DEPDC1B: variants seen among roughly 807,000 people sequenced by gnomAD.
The protein encoded by DEPDC1B is DEP domain-containing protein 1B.
A neutral mutation model predicts 66.5 loss-of-function variants in DEPDC1B; 51 were observed. That is an observed-to-expected ratio of 0.77 (90% confidence interval 0.61 to 0.97). DEPDC1B has a LOEUF of 0.97. DEPDC1B is among the 50% of genes least tolerant of loss of function. The probability of loss-of-function intolerance (pLI) is 0.00; values close to 1 mark genes in which losing one functional copy is unlikely to be tolerated. For synonymous variants in DEPDC1B, 226 were observed against 223.6 expected, an observed-to-expected ratio of 1.01 and a Z score of -0.10; for missense variants, 552 against 637.1, an observed-to-expected ratio of 0.87 and a Z score of 1.44.
intron 7 of DEPDC1B, among the ~76,000 whole-genome samples, chr5:60,634,413 C>G (rs1752993435): frequency 6.6e-6 from 1 of 152,184 alleles, no homozygotes; most frequent in African/African-American, 2.4e-5. Flanking sequence ...TGGCTCATGC[C>G]TGTAATCCCA....
chr5:60,670,709 C>A (rs1437816559), intron 2 of DEPDC1B, among the ~76,000 whole-genome samples: 1 of 152,144 alleles, frequency 6.6e-6, no homozygotes, highest in East Asian at 1.9e-4. Context: ...GTACTGGGAA[C>A]CAGAGGGTGG....
At chr5:60,620,733 G>A (rs549375614) in intron 7 of DEPDC1B, among the ~76,000 whole-genome samples, 11 of 152,226 alleles carry the variant, frequency 7.2e-5, no homozygotes, top group African/African-American at 1.2e-4. Flanking sequence ...ACAGTGTGGC[G>A]ATTCCTCAAG....
At chr5:60,651,244 A>G (rs1422847576) in intron 2 of DEPDC1B, among the ~76,000 whole-genome samples, 2 of 152,278 alleles carry the variant, frequency 1.3e-5, no homozygotes, top group African/African-American at 2.4e-5. Context: ...AAAAACTACA[A>G]TGGGCCGGCA....
At chr5:60,631,439 T>A (rs1453570892) in intron 7 of DEPDC1B, among the ~76,000 whole-genome samples, 2 of 152,222 alleles carry the variant, frequency 1.3e-5, no homozygotes, top group Non-Finnish European at 2.9e-5. Context: ...CAACTTCATG[T>A]GACCCAGAGT....
chr5:60,695,120 G>A (rs1754625750), intron 1 of DEPDC1B, among the ~76,000 whole-genome samples: 1 of 152,126 alleles, frequency 6.6e-6, no homozygotes. Context: ...TATATGGTGG[G>A]AGGCAGGGGA....
chr5:60,624,771 T>C (rs187867903), intron 7 of DEPDC1B, among the ~76,000 whole-genome samples: 4 of 152,302 alleles, frequency 2.6e-5, no homozygotes, highest in Admixed American at 1.3e-4. Flanking sequence ...GTACAGAACG[T>C]GCAGGTTTGT....
intron 1 of DEPDC1B, among the ~76,000 whole-genome samples, chr5:60,691,245 G>A (rs1304920189): frequency 6.6e-6 from 1 of 151,648 alleles, no homozygotes; most frequent in Non-Finnish European, 1.5e-5. Flanking sequence ...GTAGAGATGA[G>A]GTTTCACCAT....
At chr5:60,639,024 T>C (rs1561370057) in intron 6 of DEPDC1B, 134 bp from the exon 7 acceptor site, 1 of 912,506 alleles carries the variant, frequency 1.1e-6, no homozygotes. Flanking sequence ...ATGGGGAAAA[T>C]TGACATTAAT....
rs374609041 is a variant in DEPDC1B, at chr5:60,645,636, G to T, written c.451-17C>A. 6.3e-7 allele frequency: 1 copy of T among 1,595,968 alleles called. No homozygotes were observed. Among genetic ancestry groups the T allele is most frequent in the African/African-American group, 1.3e-5 (1 of 74,380 alleles). ...CTCAGAATTCTAATGGAGGGGGGATGTAAGAAGGGAGGGAAGGAGAAACGG... is the reference window on the plus strand; with the variant it reads ...CTCAGAATTCTAATGGAGGGGGGATTTAAGAAGGGAGGGAAGGAGAAACGG... On this transcript the variant is annotated splice_polypyrimidine_tract_variant and intron_variant, in intron 3 of 10. Transcript: ENST00000265036.
intron 6 of DEPDC1B, among the ~76,000 whole-genome samples, chr5:60,642,501 T>A (rs1477239940): frequency 6.6e-6 from 1 of 152,166 alleles, no homozygotes; most frequent in East Asian, 1.9e-4. Flanking sequence ...ACTGAAACAG[T>A]CTTTCTCATT....
At chr5:60,648,177 GTAT>G (rs1445163491) in intron 2 of DEPDC1B, 1 of 152,162 alleles carries the variant, frequency 6.6e-6, no homozygotes, top group Non-Finnish European at 1.5e-5. Context: ...TAAGAGCAGA[GTAT>G]TATTAATATA....
At position 60,687,321 on chromosome 5, in the gene DEPDC1B, C is replaced by A; in HGVS notation, c.49-94G>T. Reference sequence around the variant, plus strand: ...ATTAAAGCAAAGAATGCAATTTTTCCACTTAAACTGCTTTAATAACAGGTA... The same window carrying A: ...ATTAAAGCAAAGAATGCAATTTTTCAACTTAAACTGCTTTAATAACAGGTA... On this transcript the variant is annotated intron_variant, in intron 1 of 10. Transcript: ENST00000265036. 3 of 1,408,846 alleles carry A rather than the reference C, an allele frequency of 2.1e-6. No individual in the cohort carries two copies. The South Asian group carries it at 4.2e-5, about 20-fold the overall frequency. 87.3% of individuals were successfully genotyped at this position (1,408,846 alleles called of 1,614,324 possible).
chr5:60,683,852 G>C (rs908418888), intron 2 of DEPDC1B, among the ~76,000 whole-genome samples: 3 of 152,048 alleles, frequency 2.0e-5, no homozygotes, highest in Non-Finnish European at 4.4e-5. Context: ...AACTTATATA[G>C]AGAAAATCCT....
chr5:60,660,553 G>A lies in DEPDC1B; in HGVS notation c.315-13020C>T, dbSNP rs528060128. ...TCAAAAATCCTTAACCCAGTAACCC[G>A]TGGATGGCCCAAATGCATTCAATCT... is the stretch of plus-strand genomic sequence containing the variant. On this transcript the variant is annotated intron_variant, in intron 2 of 10. Coordinates refer to ENST00000265036, the MANE Select transcript of DEPDC1B (RefSeq NM_018369.3). Among the ~76,000 whole-genome samples, 41 of 152,274 alleles carry A rather than the reference G, an allele frequency of 2.7e-4. 1 individual carries two copies. Among genetic ancestry groups the A allele is most frequent in the Admixed American group, 6.5e-5 (1 of 15,296 alleles).
At chr5:60,684,280 T>C (rs1230300524) in intron 2 of DEPDC1B, among the ~76,000 whole-genome samples, 1 of 152,154 alleles carries the variant, frequency 6.6e-6, no homozygotes, top group Non-Finnish European at 1.5e-5. Flanking sequence ...ACAAAAGACC[T>C]TGAATAGCTA....
Position 60,668,183 on chromosome 5 carries a change from T to A in DEPDC1B, c.314+18779A>T, listed in dbSNP as rs7447886. ...ATTATATATATATAAAATGGATATT[T>A]TATATATATATAAAATGGATATTTT... On this transcript the variant is annotated intron_variant, in intron 2 of 10. Transcript: ENST00000265036. Among the ~76,000 whole-genome samples, 22 of 4,156 alleles carry A rather than the reference T, an allele frequency of 5.3e-3. 1 individual carries two copies. The highest frequency in any genetic ancestry group is 0.011 in the Admixed American group (4 of 364). The allele number at this position is 4,156 out of a possible 152,430, so 2.7% of individuals were successfully genotyped here. A position where few individuals can be genotyped will look rare whatever the true frequency, so the allele number is the denominator to read the frequency against.
At chr5:60,619,955 G>C (rs929923385) in intron 7 of DEPDC1B, among the ~76,000 whole-genome samples, 15 of 152,160 alleles carry the variant, frequency 9.9e-5, no homozygotes, top group African/African-American at 3.6e-4. Context: ...TAGACCAATG[G>C]AACAGAACAG....
intron 8 of DEPDC1B, among the ~76,000 whole-genome samples, chr5:60,605,344 A>C (rs778878920): frequency 2.6e-5 from 4 of 152,206 alleles, no homozygotes; most frequent in Non-Finnish European, 5.9e-5. Context: ...TGGTATGGTA[A>C]TGAATCTGTT....
chr5:60,645,560 A>G lies in DEPDC1B; in HGVS notation c.510T>C (p.Arg170=). The change falls in exon 4 of 11, where the codon CGT becomes CGC. Residue 170 remains arginine, a synonymous_variant. Coordinates refer to ENST00000265036, the MANE Select transcript of DEPDC1B (RefSeq NM_018369.3). ...SIAIGEVPAC[R]LVHRRQLTEA... ...CTGTCAGCTGTCTGCGGTGGACAAGACGGCAAGCTGGCACCTCTCCAATTG... is the reference window on the plus strand; with the variant it reads ...CTGTCAGCTGTCTGCGGTGGACAAGGCGGCAAGCTGGCACCTCTCCAATTG... 1 of 1,613,368 alleles carries G rather than the reference A, an allele frequency of 6.2e-7. No homozygotes were observed. Among genetic ancestry groups the G allele is most frequent in the Non-Finnish European group, 8.5e-7 (1 of 1,179,542 alleles).
Sources: gnomAD v4.1 joint callset for allele counts (sites outside exome capture counted in the v4.1 genomes callset) on GRCh38, gnomAD v4.1.1 for gene constraint, MANE v1.5 for transcripts, NCBI Gene and HGNC (gene_info 2026-07-23, HGNC 2026-07-21) for gene names.